The following MTAP variants were observed in gnomAD, a reference collection of about 807,000 sequenced individuals.
MTAP encodes the protein S-methyl-5'-thioadenosine phosphorylase.
In MTAP, 33 loss-of-function variants were observed where a neutral mutation model predicts 33.6. The ratio of observed to expected loss-of-function variants is 0.98; its 90% CI spans 0.74 to 1.31. The LOEUF is 1.31. MTAP is among the 40% of genes most tolerant of loss of function. The pLI is 0.00. For synonymous variants in MTAP, 148 were observed against 125.7 expected (o/e 1.18, Z -1.19); for missense variants, 367 against 360.0 (o/e 1.02, Z -0.16).
chr9:21,819,356 G>A (rs941276752), intron 4 of MTAP, among the ~76,000 whole-genome samples: 1 of 152,030 alleles, frequency 6.6e-6, no homozygotes, highest in African/African-American at 2.4e-5. Context: ...TGTTCTCATT[G>A]TTCAGTTCCC....
At chr9:21,805,870 A>G (rs1264457800) in intron 1 of MTAP, among the ~76,000 whole-genome samples, 1 of 152,196 alleles carries the variant, frequency 6.6e-6, no homozygotes, top group Non-Finnish European at 1.5e-5. Context: ...ACTTAAGCTG[A>G]TAGTGAAAAT....
At chr9:21,836,601 A>G (rs1825113754) in intron 4 of MTAP, among the ~76,000 whole-genome samples, 1 of 152,156 alleles carries the variant, frequency 6.6e-6, no homozygotes, top group African/African-American at 2.4e-5. Context: ...TCACCGTTTT[A>G]TTGGTTAATC....
rs1339707006 is a variant in MTAP, at chr9:21,846,037, T to C, written c.450+8027T>C. On this transcript the variant is annotated intron_variant, in intron 5 of 7. Transcript: ENST00000644715. ...AGGAAAGGACACCCTATTTAACAAA[T>C]GTTGCAGGATAATTGGCAAGCCAGA... Among the ~76,000 whole-genome samples, 3 of 152,174 alleles carry C rather than the reference T, an allele frequency of 2.0e-5. No homozygotes were observed. In the East Asian group the frequency reaches 5.8e-4, roughly 29 times the overall value.
At chr9:21,806,873 A>G (rs1824221180) in intron 1 of MTAP, among the ~76,000 whole-genome samples, 1 of 152,170 alleles carries the variant, frequency 6.6e-6, no homozygotes, top group African/African-American at 2.4e-5. Context: ...GAGATTAAAA[A>G]TAAGACTTGG....
chr9:21,893,872 C>G (rs1435265209), intron 1 of MTAP: 1 of 148,424 alleles, frequency 6.7e-6, no homozygotes, highest in East Asian at 2.0e-4. Context: ...AAAAAAAAAT[C>G]AAAGGAGGAG....
At chr9:21,930,765 T>C in intron 1 of MTAP, 1 of 708,534 alleles carries the variant, frequency 1.4e-6, no homozygotes, top group Non-Finnish European at 2.5e-6. Flanking sequence ...AGATGAAAAA[T>C]GTTGCTTTTG....
chr9:21,816,625 T>A, intron 2 of MTAP, 89 bp from the exon 3 acceptor site: 1 of 1,097,296 alleles, frequency 9.1e-7, no homozygotes, highest in Non-Finnish European at 1.3e-6. Flanking sequence ...CTCTTCAGAT[T>A]CCATGAGTCC....
intron 4 of MTAP, among the ~76,000 whole-genome samples, chr9:21,820,447 G>C (rs1334852783): frequency 6.6e-6 from 1 of 152,134 alleles, no homozygotes; most frequent in Non-Finnish European, 1.5e-5. Context: ...CAGATCAGAT[G>C]CTTGTAGATG....
rs1825766524 is a variant in MTAP at position 21,862,101 on chromosome 9, A to G, written c.*87A>G. On this transcript the variant is annotated 3_prime_UTR_variant, in exon 8 of 8. Transcript: ENST00000644715. ...GCTTAACTTGAAAAAAATATGGGAA[A>G]GACATGCAGCTTTCATGCCCTTGCC... The G allele has an allele frequency of 6.2e-7, 1 of 1,608,094 alleles. No individual in the cohort carries two copies. The highest frequency in any genetic ancestry group is 1.1e-5 in the South Asian group (1 of 89,690).
chr9:21,844,092 T>A (rs1180149313), intron 5 of MTAP, among the ~76,000 whole-genome samples: 2 of 152,202 alleles, frequency 1.3e-5, no homozygotes, highest in Non-Finnish European at 2.9e-5. Context: ...TCAAGGCTAC[T>A]ATGAACACCT....
chr9:21,820,394 T>C (rs1824602608), intron 4 of MTAP, among the ~76,000 whole-genome samples: 1 of 152,238 alleles, frequency 6.6e-6, no homozygotes, highest in South Asian at 2.1e-4. Flanking sequence ...ATTTATGAAA[T>C]AGGGAATCCT....
chr9:21,845,752 T>TAA (rs574506736), intron 5 of MTAP, among the ~76,000 whole-genome samples: 2 of 143,530 alleles, frequency 1.4e-5, no homozygotes, highest in Non-Finnish European at 3.1e-5. Flanking sequence ...CACAGAAATA[T>TAA]AAAAAAAAAA....
At chr9:21,874,498 T>C (rs1327634656) in intron 1 of MTAP, among the ~76,000 whole-genome samples, 1 of 152,148 alleles carries the variant, frequency 6.6e-6, no homozygotes, top group Non-Finnish European at 1.5e-5. Context: ...TTTTAGTAAA[T>C]GTCCTTGAAT....
At chr9:21,867,259 T>C (rs1825867708), downstream of MTAP, among the ~76,000 whole-genome samples, 1 of 152,204 alleles carries the variant, frequency 6.6e-6, no homozygotes, top group Admixed American at 6.5e-5. Flanking sequence ...TGTCTTATTC[T>C]CAACAGCAGA....
intron 1 of MTAP, among the ~76,000 whole-genome samples, chr9:21,917,292 T>G (rs1005141972): frequency 2.0e-5 from 3 of 152,174 alleles, no homozygotes; most frequent in Non-Finnish European, 4.4e-5. Flanking sequence ...TATAAATTTC[T>G]GAGTGGTCCA....
intron 6 of MTAP, among the ~76,000 whole-genome samples, chr9:21,857,618 C>T (rs1361394373): frequency 1.3e-5 from 2 of 152,164 alleles, no homozygotes; most frequent in East Asian, 1.9e-4. Flanking sequence ...GCTAATAGCA[C>T]GAGCTTCCAT....
At chr9:21,839,229 T>A (rs1825185435) in intron 5 of MTAP, among the ~76,000 whole-genome samples, 1 of 151,754 alleles carries the variant, frequency 6.6e-6, no homozygotes, top group African/African-American at 2.4e-5. Flanking sequence ...ATGTATAGCA[T>A]GTTTCTGGAT....
chr9:21,935,646 G>A (rs749736564), downstream of MTAP: 5 of 152,064 alleles, frequency 3.3e-5, no homozygotes, highest in African/African-American at 7.2e-5. Flanking sequence ...TCTGAGCTAC[G>A]TTTCTTTCTC....
chr9:21,887,446 A>C (rs1056936490), intron 1 of MTAP, among the ~76,000 whole-genome samples: 13 of 152,010 alleles, frequency 8.6e-5, no homozygotes, highest in African/African-American at 1.5e-4. Flanking sequence ...TGAACTCATC[A>C]TTTTTTATGG....
Sources: allele counts gnomAD v4.1 joint callset (sites outside exome capture counted in the v4.1 genomes callset), GRCh38; gene constraint gnomAD v4.1.1; transcripts MANE v1.5; gene names NCBI Gene and HGNC (gene_info 2026-07-23, HGNC 2026-07-21).